The following WDR35 variants were observed in gnomAD, a reference collection of about 807,000 sequenced individuals.
WDR35 encodes WD repeat domain 35, also known as WD repeat-containing protein 35.
WDR35 carries 118 observed loss-of-function variants against 158.3 expected under a neutral mutation model. That is an observed-to-expected ratio of 0.75 (90% CI 0.64 to 0.87). WDR35 has a LOEUF of 0.87. Ranked by LOEUF, WDR35 falls within the 40% of genes least tolerant of loss-of-function variation. The pLI is 0.00. For missense variants in WDR35, 1,263 were observed against 1,405.8 expected (o/e 0.90, Z 1.62); for synonymous variants, 448 against 476.1 (o/e 0.94, Z 0.77).
chr2:19,932,273 TTTAC>T lies in WDR35; in HGVS notation c.2823+6_2823+9del. 6.2e-7 allele frequency: 1 copy of T among 1,613,080 alleles called. No individual in the cohort carries two copies. The highest frequency in any genetic ancestry group is 8.5e-7 in the Non-Finnish European group (1 of 1,179,394). On this transcript the variant is annotated splice_donor_region_variant and intron_variant, in intron 23 of 26. Transcript: ENST00000281405. ...AACAAATCAACTATTCACCAAGATT[TTTAC>T]ATTACCTTAAACATCAGTTTAGCTG...
Position 19,952,631 on chromosome 2 carries a change from C to T in WDR35, c.1401-1147G>A, listed in dbSNP as rs765516645. 5.6e-4 allele frequency among the ~76,000 whole-genome samples: 85 copies of T among 152,242 alleles called. 2 individuals carry two copies. Among genetic ancestry groups the T allele is most frequent in the Non-Finnish European group, 8.8e-5 (6 of 68,012 alleles). On this transcript the variant is annotated intron_variant, in intron 12 of 26. Transcript: ENST00000281405. ...CTGCTTATTATTGCTACCACGGTAA[C>T]GCCTACCAGCATGAGGACTACCACA...
In WDR35 at chr2:19,989,248, A is replaced by C. The variant is rs1672667492; in HGVS notation, c.59T>G (p.Val20Gly). The C allele has an allele frequency of 6.2e-7, 1 of 1,614,122 alleles. No individual in the cohort carries two copies. The highest frequency in any genetic ancestry group is 8.5e-7 in the Non-Finnish European group (1 of 1,180,050). ...GAACCCTTGTTCCTTGTTCCAGGATACACACTGCAGCTTCACGTTATTGGG... is the reference window on the plus strand; with the variant it reads ...GAACCCTTGTTCCTTGTTCCAGGATCCACACTGCAGCTTCACGTTATTGGG... ...SIPNNVKLQC[V>G]SWNKEQGFIA... is the part of the protein sequence containing the mutation. Residue 20 changes from valine to glycine, a missense_variant, in exon 2 of 27, where the codon GTA (valine) becomes GGA (glycine). Val to Gly is a moderately radical substitution (Grantham distance 109). Transcript: ENST00000281405.
chr2:19,931,846 A>G (rs956463911), intron 23 of WDR35, among the ~76,000 whole-genome samples: 22 of 152,150 alleles, frequency 1.4e-4, no homozygotes, highest in Non-Finnish European at 2.9e-5. Context: ...TTTTCATTAA[A>G]TCAAATGGGA....
intron 3 of WDR35, among the ~76,000 whole-genome samples, chr2:19,981,387 A>G (rs962242138): frequency 6.6e-6 from 1 of 152,232 alleles, no homozygotes; most frequent in Admixed American, 6.5e-5. Flanking sequence ...ATATACTATT[A>G]TCTAACTCAC....
chr2:19,962,419 T>A, intron 10 of WDR35: 3 of 1,268,786 alleles, frequency 2.4e-6, no homozygotes, highest in Non-Finnish European at 3.4e-6. Context: ...GTGGCTTATA[T>A]ACAAATAATC....
chr2:19,941,989 C>T, intron 16 of WDR35, 150 bp from the exon 17 acceptor site: 1 of 589,876 alleles, frequency 1.7e-6, no homozygotes, highest in South Asian at 2.0e-5. Context: ...AAATAATTAG[C>T]ATTATGGTAA....
chr2:19,913,412 CAT>C lies in WDR35; in HGVS notation c.*144_*145del. Reference sequence around the variant, plus strand: ...ATTGCCATAAAAATTATTTTATTAACATATATTTTGTGCAAAAATTCAACTAT... The same window carrying C: ...ATTGCCATAAAAATTATTTTATTAACATATTTTGTGCAAAAATTCAACTAT... On this transcript the variant is annotated 3_prime_UTR_variant, in exon 27 of 27. Transcript: ENST00000281405. The C allele has an allele frequency of 1.0e-6, 1 of 964,814 alleles. No individual in the cohort carries two copies. Among genetic ancestry groups the C allele is most frequent in the South Asian group, 1.8e-5 (1 of 56,816 alleles). 59.8% of individuals were successfully genotyped at this position (964,814 alleles called of 1,614,324 possible).
intron 18 of WDR35, 43 bp from the exon 19 acceptor site, chr2:19,937,989 T>C: frequency 6.2e-7 from 1 of 1,604,064 alleles, no homozygotes; most frequent in Non-Finnish European, 8.5e-7. Flanking sequence ...ATATTGCAAA[T>C]TACTGACAAA....
intron 6 of WDR35, 105 bp downstream of exon 6, chr2:19,975,425 A>G (rs1290608162): frequency 1.6e-6 from 2 of 1,278,530 alleles, no homozygotes; most frequent in East Asian, 2.7e-5. Context: ...GAAGACTTTA[A>G]TTACACAAAC....
At chr2:19,957,698 G>A (rs1671494578) in intron 11 of WDR35, among the ~76,000 whole-genome samples, 1 of 151,942 alleles carries the variant, frequency 6.6e-6, no homozygotes, top group Admixed American at 6.6e-5. Flanking sequence ...GATTACAGGT[G>A]CATGCCACCA....
intron 10 of WDR35, chr2:19,962,151 CTATTTT>C (rs1312380963): frequency 1.4e-5 from 11 of 810,918 alleles, no homozygotes; most frequent in South Asian, 9.2e-5. Context: ...AATAAAGTTT[CTATTTT>C]TATTTTTATC....
intron 25 of WDR35, among the ~76,000 whole-genome samples, chr2:19,927,405 T>C (rs1670389136): frequency 6.6e-6 from 1 of 152,220 alleles, no homozygotes; most frequent in Non-Finnish European, 1.5e-5. Context: ...GGAATCATTA[T>C]TAATTGGTCC....
intron 11 of WDR35, among the ~76,000 whole-genome samples, chr2:19,958,531 T>C (rs1286918279): frequency 6.6e-6 from 1 of 152,212 alleles, no homozygotes; most frequent in Non-Finnish European, 1.5e-5. Flanking sequence ...CAGTGACCAG[T>C]ACAGTACCTG....
At chr2:19,963,579 G>T (rs1303687981) in intron 10 of WDR35, among the ~76,000 whole-genome samples, 1 of 151,960 alleles carries the variant, frequency 6.6e-6, no homozygotes, top group Non-Finnish European at 1.5e-5. Context: ...TTCCTCACTG[G>T]TGTCCACTCT....
rs757880677 is a variant in WDR35, at chr2:19,931,279, T to C, written c.2954A>G (p.Lys985Arg). Residue 985 changes from lysine to arginine, a missense_variant, in exon 24 of 27, where the codon AAA becomes AGA. Transcript: ENST00000281405. ...AACGTGCTACTTTACCTCTGAACTT[T>C]TTCCTTTAACTTTTCCTCGCTGGGC... ...KNAQRGKVKG[K>R]SSEATSALAG... is the part of the protein sequence containing the mutation. The C allele has an allele frequency of 1.2e-6, 2 of 1,613,314 alleles. No homozygotes were observed. The highest frequency in any genetic ancestry group is 1.7e-6 in the Non-Finnish European group (2 of 1,179,680).
intron 17 of WDR35, 109 bp from the exon 18 acceptor site, chr2:19,938,510 C>A: frequency 1.5e-6 from 2 of 1,377,850 alleles, no homozygotes; most frequent in South Asian, 1.3e-5. Flanking sequence ...AAAACGGCAT[C>A]ATATTGTGAG....
chr2:19,913,699 C>T lies in WDR35; in HGVS notation c.3372G>A (p.Gly1124=), dbSNP rs771077097. ...CTGTGGCAACGCATGTTGGCAGTTT[C>T]CCTTCTCCACTGTAAAACGGGGAGA... ...ELDSLMEGGE[G]KLPTCVATGS... is the part of the protein sequence containing the mutation. The change falls in exon 27 of 27, where the codon GGG becomes GGA. Residue 1124 remains glycine, a synonymous_variant. Transcript: ENST00000281405. The T allele has an allele frequency of 6.2e-7, 1 of 1,614,000 alleles. No homozygotes were observed. Among genetic ancestry groups the T allele is most frequent in the Admixed American group, 1.7e-5 (1 of 60,000 alleles).
At chr2:19,947,293 C>T (rs1671090083) in intron 14 of WDR35, among the ~76,000 whole-genome samples, 1 of 152,154 alleles carries the variant, frequency 6.6e-6, no homozygotes, top group African/African-American at 2.4e-5. Flanking sequence ...CAGAGAACCA[C>T]TGCTTTTGCA....
intron 13 of WDR35, among the ~76,000 whole-genome samples, chr2:19,948,618 A>T (rs944788144): frequency 2.0e-5 from 3 of 152,222 alleles, no homozygotes; most frequent in Non-Finnish European, 4.4e-5. Context: ...GAGGAAATGT[A>T]AGAAGGCATT....
Sources: gnomAD v4.1 joint callset for allele counts (sites outside exome capture counted in the v4.1 genomes callset) on GRCh38, gnomAD v4.1.1 for gene constraint, MANE v1.5 for transcripts, NCBI Gene and HGNC (gene_info 2026-07-23, HGNC 2026-07-21) for gene names.